ACTN1: variants seen among roughly 807,000 people sequenced by gnomAD.
ACTN1 encodes the protein actinin alpha 1.
ACTN1 carries 30 observed loss-of-function variants against 119.6 expected under a neutral mutation model. The observed-to-expected ratio is 0.25, with a 90% CI of 0.19 to 0.34. The LOEUF is 0.34. Among genes scored for constraint, ACTN1 ranks in the 10% least tolerant of loss-of-function variants. The pLI is 1.00. For synonymous variants in ACTN1, 429 were observed against 472.6 expected, an observed-to-expected ratio of 0.91 and a Z score of 1.20; for missense variants, 764 against 1,223.4, an observed-to-expected ratio of 0.62 and a Z score of 5.60.
In ACTN1 at chr14:68,879,249, G is replaced by A. The variant is rs552883975; in HGVS notation, c.2281-180C>T. 2.8e-3 allele frequency among the ~76,000 whole-genome samples: 433 copies of A among 151,946 alleles called. 6 individuals carry two copies. Among genetic ancestry groups the A allele is most frequent in the African/African-American group, 9.2e-3 (382 of 41,456 alleles). ...AGTGCACACGGTTAGACACACCAAC[G>A]AGGCTCCAGGGGGTGCCCTCCCCCC... is the stretch of plus-strand genomic sequence containing the variant. On this transcript the variant is annotated intron_variant, in intron 18 of 21. Coordinates refer to ENST00000394419, the MANE Select transcript of ACTN1 (RefSeq NM_001130004.2). The surrounding 1 kb of genome is among the most constrained non-coding windows in gnomAD (Gnocchi z 4.9).
intron 6 of ACTN1, among the ~76,000 whole-genome samples, chr14:68,905,374 T>C (rs1051201049): frequency 6.6e-6 from 1 of 152,208 alleles, no homozygotes; most frequent in South Asian, 2.1e-4. Context: ...GAATGTCAAA[T>C]GCTGTGAGAA....
chr14:68,974,126 C>T (rs1423467117), intron 1 of ACTN1: 1 of 152,762 alleles, frequency 6.5e-6, no homozygotes, highest in East Asian at 1.9e-4. Context: ...AGGTGGGTTA[C>T]ACATGGAGGC....
rs1427047916 is a variant in ACTN1 at position 68,882,092 on chromosome 14, C to T, written c.1953+366G>A. Reference sequence around the variant, plus strand: ...CTGGGATTATAGGCACGCATCATCACACCCGGCTGATTTTTGTATTTTTAG... The same window carrying T: ...CTGGGATTATAGGCACGCATCATCATACCCGGCTGATTTTTGTATTTTTAG... On this transcript the variant is annotated intron_variant, in intron 16 of 21. Coordinates refer to ENST00000394419, the MANE Select transcript of ACTN1 (RefSeq NM_001130004.2). The surrounding 1 kb of genome is among the most constrained non-coding windows in gnomAD (Gnocchi z 4.5). Among the ~76,000 whole-genome samples the T allele has an allele frequency of 5.3e-5, 8 of 151,936 alleles. 1 individual carries two copies. The South Asian group carries it at 1.2e-3, about 24-fold the overall frequency.
rs1255701711 is a variant in ACTN1 at position 68,878,647 on chromosome 14, G to T, written c.2362-124C>A. ...CGGGGATGAGATTTATGGTTTTGGGGGTCAGGATAGGTAAAGGAACATAGG... is the reference window on the plus strand; with the variant it reads ...CGGGGATGAGATTTATGGTTTTGGGTGTCAGGATAGGTAAAGGAACATAGG... On this transcript the variant is annotated intron_variant, in intron 19 of 21. Coordinates refer to ENST00000394419, the MANE Select transcript of ACTN1 (RefSeq NM_001130004.2). This position sits in a 1 kb window ranked among gnomAD's most constrained non-coding sequence, Gnocchi z 4.4. 1 of 1,551,436 alleles carries T rather than the reference G, an allele frequency of 6.4e-7. No homozygotes were observed. The highest frequency in any genetic ancestry group is 1.2e-5 in the South Asian group (1 of 84,780).
chr14:68,952,125 CCT>C (rs2036191367), intron 1 of ACTN1, among the ~76,000 whole-genome samples: 1 of 152,244 alleles, frequency 6.6e-6, no homozygotes, highest in African/African-American at 2.4e-5. Flanking sequence ...GCTTTCCGGG[CCT>C]CAGTTTCTTT....
rs1212255701 is a variant in ACTN1, at chr14:68,885,575, C to T, written c.1235G>A (p.Gly412Asp). ...CTTCTGTCGCAGCATGGCCTCTTTGCCTGGGTTGAGAGAGGGCCACATGGC... is the reference window on the plus strand; with the variant it reads ...CTTCTGTCGCAGCATGGCCTCTTTGTCTGGGTTGAGAGAGGGCCACATGGC... ...KASIHEAWTD[G>D]KEAMLRQKDY... Residue 412 changes from glycine to aspartate, a missense_variant and splice_region_variant, in exon 12 of 22, where the codon GGC becomes GAC. Gly to Asp is a moderately conservative substitution (Grantham distance 94). Transcript: ENST00000394419. The surrounding 1 kb of genome is among the most constrained non-coding windows in gnomAD (Gnocchi z 5.6). The T allele has an allele frequency of 1.2e-6, 2 of 1,612,544 alleles. No individual in the cohort carries two copies. The highest frequency in any genetic ancestry group is 1.7e-6 in the Non-Finnish European group (2 of 1,179,914).
intron 1 of ACTN1, among the ~76,000 whole-genome samples, chr14:68,927,942 C>T (rs1301448139): frequency 6.6e-6 from 1 of 152,154 alleles, no homozygotes; most frequent in African/African-American, 2.4e-5. Flanking sequence ...TCATTTATCA[C>T]CATCTTGGCC....
chr14:68,913,998 G>A (rs569061133), intron 3 of ACTN1, among the ~76,000 whole-genome samples: 1 of 152,232 alleles, frequency 6.6e-6, no homozygotes, highest in Non-Finnish European at 1.5e-5. Flanking sequence ...CAAGACAGGT[G>A]GATTGCTTGA....
chr14:68,918,953 G>A (rs1223051492), intron 3 of ACTN1, among the ~76,000 whole-genome samples: 2 of 152,088 alleles, frequency 1.3e-5, no homozygotes, highest in South Asian at 2.1e-4. Context: ...ACTGTAAAAC[G>A]TGGCTGGTGA....
At chr14:68,977,263 T>A (rs1478977071) in intron 1 of ACTN1, 1 of 152,272 alleles carries the variant, frequency 6.6e-6, no homozygotes, top group Non-Finnish European at 1.5e-5. Flanking sequence ...TGGTGCCCCA[T>A]AGGGATCTCC....
In ACTN1 at chr14:68,893,742, C is replaced by T. The variant is rs1457306670; in HGVS notation, c.768G>A (p.Glu256=). 3.7e-6 allele frequency: 6 copies of T among 1,613,840 alleles called. No homozygotes were observed. The South Asian group carries it at 5.5e-5, about 15-fold the overall frequency. The change falls in exon 9 of 22, where the codon GAG becomes GAA. Residue 256 remains glutamate, a synonymous_variant. Coordinates refer to ENST00000394419, the MANE Select transcript of ACTN1 (RefSeq NM_001130004.2). ...YHAFSGAQKA[E]TAANRICKVL... is the part of the protein sequence containing the mutation. The stretch of plus-strand genomic sequence containing the variant: ...CCTTGCAGATGCGATTGGCTGCTGT[C>T]TCCGCCTGGCAACAAGACAGAGAGA...
intron 6 of ACTN1, among the ~76,000 whole-genome samples, chr14:68,908,534 C>G (rs1042713237): frequency 1.3e-5 from 2 of 152,204 alleles, no homozygotes; most frequent in African/African-American, 2.4e-5. Flanking sequence ...TCCAGGTCAC[C>G]AACTTGGGGC....
At chr14:68,899,419 C>T (rs1169103733) in intron 8 of ACTN1, among the ~76,000 whole-genome samples, 1 of 148,906 alleles carries the variant, frequency 6.7e-6, no homozygotes, top group Non-Finnish European at 1.5e-5. Flanking sequence ...CCTTCCACAC[C>T]ACATTCCCCA....
At position 68,925,704 on chromosome 14, in the gene ACTN1, G is replaced by C; in HGVS notation, c.106-32C>G. ...AGAGACAAGAAGGGCAAGTGGTCAGGGGGCTGGTGTTGTCACCCTCATTGG... is the reference window on the plus strand; with the variant it reads ...AGAGACAAGAAGGGCAAGTGGTCAGCGGGCTGGTGTTGTCACCCTCATTGG... On this transcript the variant is annotated intron_variant, in intron 1 of 21. Coordinates refer to ENST00000394419, the MANE Select transcript of ACTN1 (RefSeq NM_001130004.2). The surrounding 1 kb of genome is among the most constrained non-coding windows in gnomAD (Gnocchi z 4.3). 6.3e-7 allele frequency: 1 copy of C among 1,578,302 alleles called. No individual in the cohort carries two copies. Among genetic ancestry groups the C allele is most frequent in the South Asian group, 1.1e-5 (1 of 88,720 alleles).
intron 1 of ACTN1, among the ~76,000 whole-genome samples, chr14:68,961,990 C>A (rs2036556616): frequency 6.6e-6 from 1 of 152,210 alleles, no homozygotes; most frequent in Admixed American, 6.5e-5. Flanking sequence ...CCATCTACCC[C>A]CTGGACCACA....
chr14:68,892,067 C>T lies in ACTN1; in HGVS notation c.1072G>A (p.Gly358Ser), dbSNP rs1327462308. 6.2e-7 allele frequency: 1 copy of T among 1,613,722 alleles called. No homozygotes were observed. The highest frequency in any genetic ancestry group is 8.5e-7 in the Non-Finnish European group (1 of 1,180,006). ...SNRPAFMPSEGRMVSDINNAW... is the reference protein window; with the variant it reads ...SNRPAFMPSESRMVSDINNAW... ...CCAGTGCTCACCGAGACCATCCTGC[C>T]CTCAGAGGGCATGAAGGCAGGCCGG... Residue 358 changes from glycine to serine, a missense_variant, in exon 10 of 22, where the codon GGC becomes AGC. Gly to Ser is a moderately conservative substitution (Grantham distance 56). Coordinates refer to ENST00000394419, the MANE Select transcript of ACTN1 (RefSeq NM_001130004.2).
chr14:68,887,868 A>G, intron 11 of ACTN1: 1 of 831,684 alleles, frequency 1.2e-6, no homozygotes, highest in South Asian at 1.3e-5. Context: ...TCTGCAGGTA[A>G]ATCTTTAGTT....
At chr14:68,918,202 G>A (rs894597571) in intron 3 of ACTN1, among the ~76,000 whole-genome samples, 2 of 152,354 alleles carry the variant, frequency 1.3e-5, no homozygotes, top group African/African-American at 2.4e-5. Flanking sequence ...GAGAGTTCAC[G>A]CCAGTGTTCC....
chr14:68,891,524 C>A (rs570364430), intron 10 of ACTN1, among the ~76,000 whole-genome samples: 2 of 152,164 alleles, frequency 1.3e-5, no homozygotes, highest in Non-Finnish European at 2.9e-5. Context: ...CACGAAAAAA[C>A]CAAAAGGATT....
Sources: allele counts gnomAD v4.1 joint callset (sites outside exome capture counted in the v4.1 genomes callset), GRCh38; gene constraint gnomAD v4.1.1; non-coding constraint Gnocchi (gnomAD v3.1); transcripts MANE v1.5; gene names NCBI Gene and HGNC (gene_info 2026-07-23, HGNC 2026-07-21).